Variants in MTNAP1 observed in about 807,000 individuals in gnomAD.
MTNAP1 encodes mitochondrial nucleoid associated protein 1.
At chr17:73,248,644 G>T in the MTNAP1 span, 1 of 1,119,856 alleles carries the variant, frequency 8.9e-7, no homozygotes, top group Non-Finnish European at 1.3e-6. Context: ...TACTGTCCAT[G>T]CTTGAGAGGA....
chr17:73,244,408 C>G, the MTNAP1 span: 1 of 151,960 alleles, frequency 6.6e-6, no homozygotes, highest in South Asian at 2.1e-4. Context: ...ACTAAAAATA[C>G]AAAGATTAGC....
chr17:73,235,742 AACAG>A, the MTNAP1 span: 4 of 1,614,216 alleles, frequency 2.5e-6, no homozygotes, highest in Middle Eastern at 1.6e-4. Context: ...GACAAACCAG[AACAG>A]ACAGTGAAGA....
At chr17:73,241,258 C>T in the MTNAP1 span, among the ~76,000 whole-genome samples, 3 of 152,220 alleles carry the variant, frequency 2.0e-5, no homozygotes, top group East Asian at 5.8e-4. Flanking sequence ...CCTGGGTTCA[C>T]GCCATTCTCC....
At chr17:73,244,571 A>AC in the MTNAP1 span, 2 of 151,516 alleles carry the variant, frequency 1.3e-5, no homozygotes, top group African/African-American at 2.4e-5. Flanking sequence ...AAAAAAAAAA[A>AC]AAAAAAAAAA....
At chr17:73,247,260 G>A in the MTNAP1 span, 1 of 1,614,162 alleles carries the variant, frequency 6.2e-7, no homozygotes, top group Non-Finnish European at 8.5e-7. Flanking sequence ...GCCGACCCCT[G>A]CCCTGGAAGA....
chr17:73,242,002 A>G, the MTNAP1 span, among the ~76,000 whole-genome samples: 1 of 152,232 alleles, frequency 6.6e-6, no homozygotes, highest in East Asian at 1.9e-4. Flanking sequence ...GGTACTCAGC[A>G]GACCAAAAAA....
At chr17:73,236,382 T>TA in the MTNAP1 span, 1 of 1,614,074 alleles carries the variant, frequency 6.2e-7, no homozygotes, top group Non-Finnish European at 8.5e-7. Context: ...AGAAAGGACT[T>TA]ACCCTGGGAG....
chr17:73,241,708 A>C, the MTNAP1 span, among the ~76,000 whole-genome samples: 2 of 152,122 alleles, frequency 1.3e-5, no homozygotes, highest in African/African-American at 4.8e-5. Context: ...GGCGGGCAGA[A>C]CACATGAGGT....
At chr17:73,248,277 T>C in the MTNAP1 span, 1 of 544,508 alleles carries the variant, frequency 1.8e-6, no homozygotes. Flanking sequence ...GTAAGACTGC[T>C]ACCCACAGAA....
the MTNAP1 span, among the ~76,000 whole-genome samples, chr17:73,237,663 T>C: frequency 6.6e-6 from 1 of 152,142 alleles, no homozygotes; most frequent in African/African-American, 2.4e-5. Context: ...CTAGATAGAA[T>C]AAGCACTGTG....
At chr17:73,242,834 C>A in the MTNAP1 span, 2 of 1,344,108 alleles carry the variant, frequency 1.5e-6, no homozygotes, top group Non-Finnish European at 2.1e-6. Context: ...ACTTGAATGA[C>A]TCGCGGATAC....
chr17:73,240,332 T>C, the MTNAP1 span, among the ~76,000 whole-genome samples: 1 of 152,186 alleles, frequency 6.6e-6, no homozygotes, highest in Non-Finnish European at 1.5e-5. Flanking sequence ...ACTTCTATTA[T>C]AAACTGAAAA....
chr17:73,248,241 G>A, the MTNAP1 span: 1 of 471,220 alleles, frequency 2.1e-6, no homozygotes, highest in South Asian at 3.0e-5. Flanking sequence ...AGAAAGACAA[G>A]ACTCCTCAGA....
chr17:73,242,758 A>G, the MTNAP1 span: 6 of 639,234 alleles, frequency 9.4e-6, no homozygotes, highest in Non-Finnish European at 1.6e-5. Context: ...GTTAGCCTTT[A>G]TGTGTTTAAA....
chr17:73,234,035 C>T, the MTNAP1 span, among the ~76,000 whole-genome samples: 1 of 152,162 alleles, frequency 6.6e-6, no homozygotes, highest in Non-Finnish European at 1.5e-5. Context: ...GTTTCAGTCA[C>T]CCTTTTTAAT....
At chr17:73,245,356 A>G in the MTNAP1 span, 1 of 1,362,312 alleles carries the variant, frequency 7.3e-7, no homozygotes, top group East Asian at 2.7e-5. Flanking sequence ...ATGATACAGG[A>G]AGTAAACGTA....
At chr17:73,241,498 G>T in the MTNAP1 span, among the ~76,000 whole-genome samples, 3 of 152,262 alleles carry the variant, frequency 2.0e-5, no homozygotes, top group East Asian at 1.9e-4. Context: ...AGTTATTCAT[G>T]CACTGAACAT....
the MTNAP1 span, chr17:73,242,854 T>G: frequency 3.3e-6 from 5 of 1,535,094 alleles, no homozygotes; most frequent in Middle Eastern, 4.1e-4. Flanking sequence ...CTGGCCCTAG[T>G]TTCAGTTGCT....
chr17:73,243,720 G>A, the MTNAP1 span, among the ~76,000 whole-genome samples: 3 of 151,870 alleles, frequency 2.0e-5, no homozygotes, highest in African/African-American at 7.3e-5. Context: ...TTTTAGTAGA[G>A]ACAGGGTTTT....
Sources: gnomAD v4.1 joint callset for allele counts (sites outside exome capture counted in the v4.1 genomes callset) on GRCh38, gnomAD v4.1.1 for gene constraint, MANE v1.5 for transcripts, NCBI Gene and HGNC (gene_info 2026-07-23, HGNC 2026-07-21) for gene names.